Variants in CNOT2 observed in about 807,000 individuals in gnomAD.
CNOT2 encodes the protein CCR4-NOT transcription complex subunit 2.
In CNOT2, 7 loss-of-function variants were observed where a neutral mutation model predicts 72.1. That is an observed-to-expected ratio of 0.10 (90% CI 0.06 to 0.18). The LOEUF (loss-of-function observed/expected upper bound fraction) is 0.18. CNOT2 is among the 10% of genes least tolerant of loss of function. The pLI, the probability that CNOT2 is intolerant of heterozygous loss-of-function variation, is 1.00. For synonymous variants in CNOT2, 196 were observed against 225.6 expected (o/e 0.87, Z 1.17); for missense variants, 345 against 660.3 (o/e 0.52, Z 5.23).
In CNOT2 at chr12:70,342,410, T is replaced by C. The variant is rs1041255263; in HGVS notation, c.1290+103T>C. The C allele has an allele frequency of 6.1e-6, 8 of 1,310,340 alleles. No homozygotes were observed. The African/African-American group carries it at 8.9e-5, about 15-fold the overall frequency. The allele number at this position is 1,310,340 out of a possible 1,614,324, so 81.2% of individuals were successfully genotyped here. A position where few individuals can be genotyped will look rare whatever the true frequency, so the allele number is the denominator to read the frequency against. On this transcript the variant is annotated intron_variant, in intron 13 of 15. Coordinates refer to ENST00000229195, the MANE Select transcript of CNOT2 (RefSeq NM_014515.7). ...CTATTTTTGAAATAATTAGTAATGG[T>C]CTCAGGGATATGCTTTCATATGTCC...
intron 15 of CNOT2, chr12:70,347,455 C>A (rs1318642422): frequency 6.6e-6 from 1 of 151,824 alleles, no homozygotes; most frequent in Non-Finnish European, 1.5e-5. Context: ...ACAGAGAAAC[C>A]CCGTCTCTAC....
chr12:70,247,405 C>T (rs1230462144), intron 1 of CNOT2, among the ~76,000 whole-genome samples: 3 of 152,122 alleles, frequency 2.0e-5, no homozygotes, highest in Non-Finnish European at 4.4e-5. Flanking sequence ...ATCCGCCTGC[C>T]TCACCCTCCC....
intron 1 of CNOT2, among the ~76,000 whole-genome samples, chr12:70,244,648 T>C (rs1336994786): frequency 6.6e-6 from 1 of 152,174 alleles, no homozygotes; most frequent in Non-Finnish European, 1.5e-5. Context: ...GAAGACTGAG[T>C]GCAACATATT....
chr12:70,308,352 C>T (rs1003162968), intron 2 of CNOT2, among the ~76,000 whole-genome samples: 1 of 152,094 alleles, frequency 6.6e-6, no homozygotes, highest in African/African-American at 2.4e-5. Context: ...CAGCACCCAT[C>T]TCTGGATGGG....
chr12:70,283,555 G>T (rs1870275502), intron 2 of CNOT2, among the ~76,000 whole-genome samples: 1 of 151,194 alleles, frequency 6.6e-6, no homozygotes, highest in Non-Finnish European at 1.5e-5. Flanking sequence ...GTCAGATCTG[G>T]TGCCCAGAGA....
At chr12:70,243,777 G>A (rs1342512952) in intron 1 of CNOT2, 1 of 152,448 alleles carries the variant, frequency 6.6e-6, no homozygotes, top group African/African-American at 2.4e-5. Context: ...TGCAGCAGCA[G>A]CAGCTCCAGA....
At chr12:70,343,149 CTT>C (rs1175523849) in intron 13 of CNOT2, among the ~76,000 whole-genome samples, 1 of 152,162 alleles carries the variant, frequency 6.6e-6, no homozygotes, top group Non-Finnish European at 1.5e-5. Flanking sequence ...CTGTAGAGCT[CTT>C]TCGCTCCAAT....
intron 2 of CNOT2, chr12:70,294,342 G>C (rs1461384343): frequency 8.0e-7 from 1 of 1,252,322 alleles, no homozygotes; most frequent in Admixed American, 2.3e-5. Flanking sequence ...ACTGTCATCA[G>C]TATTTTGAGG....
At chr12:70,314,780 T>G (rs936960081) in intron 3 of CNOT2, among the ~76,000 whole-genome samples, 2 of 152,172 alleles carry the variant, frequency 1.3e-5, no homozygotes, top group African/African-American at 4.8e-5. Flanking sequence ...GTTCTGTGAC[T>G]TAATGACTAT....
Position 70,346,219 on chromosome 12 carries a change from A to G in CNOT2, c.1431A>G (p.Val477=), listed in dbSNP as rs1882153007. The G allele has an allele frequency of 1.9e-6, 3 of 1,609,860 alleles. No homozygotes were observed. Among genetic ancestry groups the G allele is most frequent in the African/African-American group, 1.3e-5 (1 of 74,876 alleles). The change falls in exon 15 of 16, where the codon GTA becomes GTG. Residue 477 remains valine, a synonymous_variant. Coordinates refer to ENST00000229195, the MANE Select transcript of CNOT2 (RefSeq NM_014515.7). ...GGAGATACCACAAAGAAGAACGAGT[A>G]TGGATTACCAGGGCACCAGGCATGG... ...RDWRYHKEER[V]WITRAPGMEP...
upstream of CNOT2, chr12:70,243,223 C>G (rs1485903589): frequency 2.6e-5 from 4 of 152,580 alleles, no homozygotes; most frequent in African/African-American, 9.7e-5. Context: ...CGGTGGGAGA[C>G]AAGACGGAGC....
intron 1 of CNOT2, among the ~76,000 whole-genome samples, chr12:70,249,681 AT>A (rs1397847239): frequency 6.6e-6 from 1 of 152,092 alleles, no homozygotes; most frequent in Non-Finnish European, 1.5e-5. Context: ...GCAGTAGGAA[AT>A]TTTTGTTTCA....
chr12:70,283,506 T>TAGAA (rs1454546774), intron 2 of CNOT2, among the ~76,000 whole-genome samples: 2 of 150,768 alleles, frequency 1.3e-5, no homozygotes, highest in Non-Finnish European at 2.9e-5. Flanking sequence ...GATAGATAGA[T>TAGAA]AGAATTTTAT....
intron 1 of CNOT2, among the ~76,000 whole-genome samples, chr12:70,274,915 T>C (rs1045854600): frequency 6.6e-6 from 1 of 151,928 alleles, no homozygotes; most frequent in Non-Finnish European, 1.5e-5. Flanking sequence ...TGTTTATCCA[T>C]TCACCTATTA....
upstream of CNOT2, chr12:70,243,021 A>C (rs1957635791): frequency 6.6e-6 from 1 of 152,646 alleles, no homozygotes; most frequent in South Asian, 2.1e-4. Context: ...CACGAACACG[A>C]ACACGCTCAG....
chr12:70,267,873 T>C (rs1283386560), intron 1 of CNOT2, among the ~76,000 whole-genome samples: 1 of 152,266 alleles, frequency 6.6e-6, no homozygotes, highest in African/African-American at 2.4e-5. Flanking sequence ...CCACATTTGT[T>C]AGTTTATATA....
intron 7 of CNOT2, chr12:70,334,571 A>C (rs538217410): frequency 6.6e-6 from 1 of 152,218 alleles, no homozygotes; most frequent in African/African-American, 2.4e-5. Flanking sequence ...GCTATAGCGC[A>C]GGCTAAAAGG....
intron 11 of CNOT2, among the ~76,000 whole-genome samples, chr12:70,339,078 A>ATG (rs1881130922): frequency 7.8e-6 from 1 of 128,106 alleles, no homozygotes; most frequent in Non-Finnish European, 1.6e-5. Context: ...GTGTGTGTGT[A>ATG]TATATATATA....
rs750084650 is a variant in CNOT2 at position 70,332,884 on chromosome 12, T to G, written c.649+38T>G. On this transcript the variant is annotated intron_variant, in intron 7 of 15. Transcript: ENST00000229195. ...TGGAGCTAGTACCCTACAAAAAGTA[T>G]GATAGATTTATGAAATATAAAGCAA... The G allele has an allele frequency of 1.1e-5, 17 of 1,541,954 alleles. No homozygotes were observed. In the South Asian group the frequency reaches 2.2e-4, roughly 20 times the overall value.
Sources: allele counts gnomAD v4.1 joint callset (sites outside exome capture counted in the v4.1 genomes callset), GRCh38; gene constraint gnomAD v4.1.1; transcripts MANE v1.5; gene names NCBI Gene and HGNC (gene_info 2026-07-23, HGNC 2026-07-21).